CACNA1E: variants seen among roughly 807,000 people sequenced by gnomAD.
The protein encoded by CACNA1E is calcium voltage-gated channel subunit alpha1 E, also known as voltage-dependent R-type calcium channel subunit alpha-1E.
CACNA1E carries 40 observed loss-of-function variants against 259.2 expected under a neutral mutation model. That is an observed-to-expected ratio of 0.15 (90% CI 0.12 to 0.20). The LOEUF (loss-of-function observed/expected upper bound fraction) is 0.20, where lower values mean the gene tolerates loss of function less well. Among genes scored for constraint, CACNA1E ranks in the 10% least tolerant of loss-of-function variants. CACNA1E has a pLI of 1.00. For synonymous variants in CACNA1E, 1,104 were observed against 1,138.5 expected, an observed-to-expected ratio of 0.97 and a Z score of 0.61; for missense variants, 1,874 against 3,040.1, an observed-to-expected ratio of 0.62 and a Z score of 9.02.
intron 7 of CACNA1E, among the ~76,000 whole-genome samples, chr1:181,667,946 G>A (rs1209964866): frequency 1.3e-5 from 2 of 151,844 alleles, no homozygotes; most frequent in Non-Finnish European, 2.9e-5. Flanking sequence ...TTCCCCCAGT[G>A]GTAACATCTT....
chr1:181,555,502 TG>T (rs1648626601), intron 3 of CACNA1E, among the ~76,000 whole-genome samples: 1 of 152,238 alleles, frequency 6.6e-6, no homozygotes, highest in Admixed American at 6.5e-5. Flanking sequence ...GCTAATCCAG[TG>T]CCACCTGCGA....
In CACNA1E at chr1:181,736,292, G is replaced by T; in HGVS notation, c.3280G>T (p.Gly1094Trp). 6.3e-7 allele frequency: 1 copy of T among 1,594,466 alleles called. No individual in the cohort carries two copies. Among genetic ancestry groups the T allele is most frequent in the South Asian group, 1.1e-5 (1 of 87,624 alleles). ...TCTTGCAGTTAGCAACAAGACGGAT[G>T]GGGAAGCCAGTCCCTTGAAGGAGGC... is the stretch of plus-strand genomic sequence containing the variant. ...TVVHISNKTD[G>W]EASPLKEAEI... The change falls in exon 22 of 48, where the codon GGG becomes TGG. Residue 1094 changes from glycine to tryptophan, a missense_variant. Gly to Trp is a radical substitution (Grantham distance 184). Transcript: ENST00000367573.
intron 7 of CACNA1E, among the ~76,000 whole-genome samples, chr1:181,710,565 G>A (rs900185716): frequency 8.7e-5 from 13 of 149,582 alleles, no homozygotes; most frequent in Non-Finnish European, 1.6e-4. Flanking sequence ...GTCAATATAC[G>A]TTAATCACTA....
In CACNA1E at chr1:181,749,550, C is replaced by T. The variant is rs146770261; in HGVS notation, c.3720-926C>T. Reference sequence around the variant, plus strand: ...ATGTCCCAGCTCTGCCAGCTGATGTCGGGCACTCAACCTCTCTGAATCTCT... The same window carrying T: ...ATGTCCCAGCTCTGCCAGCTGATGTTGGGCACTCAACCTCTCTGAATCTCT... On this transcript the variant is annotated intron_variant, in intron 25 of 47. Coordinates refer to ENST00000367573, the MANE Select transcript of CACNA1E (RefSeq NM_001205293.3). Among the ~76,000 whole-genome samples the T allele has an allele frequency of 2.0e-4, 31 of 152,296 alleles. 2 individuals are homozygous for T. Among genetic ancestry groups the T allele is most frequent in the African/African-American group, 6.7e-4 (28 of 41,546 alleles).
At chr1:181,769,441 T>A (rs767976281) in intron 35 of CACNA1E, among the ~76,000 whole-genome samples, 7 of 150,844 alleles carry the variant, frequency 4.6e-5, no homozygotes, top group Non-Finnish European at 1.0e-4. Flanking sequence ...GTTCTGCTTT[T>A]TGGTTTTTTT....
intron 3 of CACNA1E, among the ~76,000 whole-genome samples, chr1:181,533,969 T>C (rs1213567552): frequency 2.0e-5 from 3 of 152,136 alleles, no homozygotes; most frequent in Non-Finnish European, 4.4e-5. Context: ...TTTTAGATTA[T>C]ATAGGTAGAA....
At chr1:181,424,305 TG>T (rs1658990930) in intron 2 of CACNA1E, among the ~76,000 whole-genome samples, 1 of 152,224 alleles carries the variant, frequency 6.6e-6, no homozygotes, top group Non-Finnish European at 1.5e-5. Context: ...TCTAGAGATT[TG>T]CTTTAAGATG....
At chr1:181,566,546 AG>A (rs1204093493) in intron 3 of CACNA1E, among the ~76,000 whole-genome samples, 1 of 152,218 alleles carries the variant, frequency 6.6e-6, no homozygotes, top group Non-Finnish European at 1.5e-5. Flanking sequence ...TATCATACTG[AG>A]GTTAAGCAAA....
At chr1:181,477,663 G>A (rs967859514) in intron 2 of CACNA1E, among the ~76,000 whole-genome samples, 4 of 151,830 alleles carry the variant, frequency 2.6e-5, no homozygotes, top group Middle Eastern at 3.4e-3. Flanking sequence ...TCCATCCCCC[G>A]CACAACAGAG....
chr1:181,739,134 T>C lies in CACNA1E; in HGVS notation c.3613-13T>C. Reference sequence around the variant, plus strand: ...TTTCTTGGCTCACTGTGGCTGTTCATATCCTTCTGCAGATGATAGACCAAG... The same window carrying C: ...TTTCTTGGCTCACTGTGGCTGTTCACATCCTTCTGCAGATGATAGACCAAG... On this transcript the variant is annotated splice_polypyrimidine_tract_variant and intron_variant, in intron 24 of 47. Coordinates refer to ENST00000367573, the MANE Select transcript of CACNA1E (RefSeq NM_001205293.3). 6.5e-7 allele frequency: 1 copy of C among 1,539,720 alleles called. No homozygotes were observed. Among genetic ancestry groups the C allele is most frequent in the Non-Finnish European group, 9.0e-7 (1 of 1,112,128 alleles).
At chr1:181,621,026 A>G (rs1241426970) in intron 6 of CACNA1E, among the ~76,000 whole-genome samples, 1 of 152,240 alleles carries the variant, frequency 6.6e-6, no homozygotes, top group Non-Finnish European at 1.5e-5. Flanking sequence ...GTTACATAAT[A>G]CATGGAAAGT....
rs897593505 is a variant in CACNA1E at position 181,801,317 on chromosome 1, A to G, written c.*2483A>G. On this transcript the variant is annotated 3_prime_UTR_variant, in exon 48 of 48. Transcript: ENST00000367573. ...TTCCAGAAATGGAATTTGCCTGCAA[A>G]TAGTATAAACAACACTAAATTTACT... is the stretch of plus-strand genomic sequence containing the variant. 1 of 152,610 alleles carries G rather than the reference A, an allele frequency of 6.6e-6. No individual in the cohort carries two copies. Among genetic ancestry groups the G allele is most frequent in the African/African-American group, 2.4e-5 (1 of 41,444 alleles). 9.5% of individuals were successfully genotyped at this position (152,610 alleles called of 1,614,324 possible).
chr1:181,730,030 C>T (rs959698267), intron 18 of CACNA1E, among the ~76,000 whole-genome samples: 1 of 152,170 alleles, frequency 6.6e-6, no homozygotes, highest in Non-Finnish European at 1.5e-5. Flanking sequence ...ACAATGATGT[C>T]TGCATCAGTG....
intron 7 of CACNA1E, among the ~76,000 whole-genome samples, chr1:181,665,304 C>T (rs1043162544): frequency 1.3e-5 from 2 of 152,110 alleles, no homozygotes; most frequent in African/African-American, 4.8e-5. Flanking sequence ...TTCATATACT[C>T]CAGGATTTGT....
rs1348317079 is a variant in CACNA1E at position 181,798,053 on chromosome 1, C to T, written c.6400-239C>T. 6.6e-6 allele frequency among the ~76,000 whole-genome samples: 1 copy of T among 152,214 alleles called. No individual in the cohort carries two copies. Among genetic ancestry groups the T allele is most frequent in the African/African-American group, 2.4e-5 (1 of 41,454 alleles). Reference sequence around the variant, plus strand: ...CCCAGATCTTCTGAGCCTGCATCTGCAGTTTAACCAGATCCCCAGAGGTTT... The same window carrying T: ...CCCAGATCTTCTGAGCCTGCATCTGTAGTTTAACCAGATCCCCAGAGGTTT... On this transcript the variant is annotated intron_variant, in intron 47 of 47. Coordinates refer to ENST00000367573, the MANE Select transcript of CACNA1E (RefSeq NM_001205293.3). The surrounding 1 kb of genome is among the most constrained non-coding windows in gnomAD (Gnocchi z 4.2).
chr1:181,730,237 G>T (rs1655337838), intron 18 of CACNA1E, among the ~76,000 whole-genome samples: 1 of 152,232 alleles, frequency 6.6e-6, no homozygotes, highest in South Asian at 2.1e-4. Flanking sequence ...TATCAGGAAA[G>T]GATCAGCATT....
chr1:181,419,643 C>T (rs1658575628), intron 2 of CACNA1E, among the ~76,000 whole-genome samples: 1 of 152,222 alleles, frequency 6.6e-6, no homozygotes, highest in East Asian at 1.9e-4. Flanking sequence ...CTTCAGGGTC[C>T]AAAACAGTGC....
At position 181,803,874 on chromosome 1, in the gene CACNA1E, A is replaced by G. The variant is rs1662449661; in HGVS notation, c.*5040A>G. 6.6e-6 allele frequency: 1 copy of G among 152,206 alleles called. No individual in the cohort carries two copies. The highest frequency in any genetic ancestry group is 2.1e-4 in the South Asian group (1 of 4,830). The allele number at this position is 152,206 out of a possible 1,614,324, so 9.4% of individuals were successfully genotyped here. On this transcript the variant is annotated 3_prime_UTR_variant, in exon 48 of 48. Transcript: ENST00000367573. ...ACAAAACTCAAGATAGCTGAGAAGT[A>G]TGAATGGGGTTCACAGCAAAGTCCA...
At chr1:181,637,309 C>T (rs1004599982) in intron 6 of CACNA1E, among the ~76,000 whole-genome samples, 1 of 152,138 alleles carries the variant, frequency 6.6e-6, no homozygotes, top group African/African-American at 2.4e-5. Context: ...GATAAAGCCC[C>T]TCTAATCATC....
Sources: gnomAD v4.1 joint callset for allele counts (sites outside exome capture counted in the v4.1 genomes callset) on GRCh38, gnomAD v4.1.1 for gene constraint, Gnocchi (gnomAD v3.1) non-coding constraint, MANE v1.5 for transcripts, NCBI Gene and HGNC (gene_info 2026-07-23, HGNC 2026-07-21) for gene names.